Variants in ARMC1 observed in about 807,000 individuals in gnomAD.
The protein encoded by ARMC1 is armadillo repeat-containing protein 1.
In ARMC1, 16 loss-of-function variants were observed where a neutral mutation model predicts 31.4. That is an observed-to-expected ratio of 0.51 (90% CI 0.34 to 0.77). The LOEUF (loss-of-function observed/expected upper bound fraction) is 0.77, where lower values mean the gene tolerates loss of function less well. ARMC1 is among the 30% of genes least tolerant of loss of function. ARMC1 has a pLI of 0.01. For missense variants in ARMC1, 259 were observed against 347.5 expected (o/e 0.75, Z 2.02); for synonymous variants, 114 against 118.9 (o/e 0.96, Z 0.27).
At chr8:65,616,830 T>A (rs1034792746) in intron 3 of ARMC1, among the ~76,000 whole-genome samples, 1 of 147,974 alleles carries the variant, frequency 6.8e-6, no homozygotes, top group Non-Finnish European at 1.5e-5. Context: ...CCGCCCTGTC[T>A]GAGAAGTGAG....
intron 1 of ARMC1, among the ~76,000 whole-genome samples, chr8:65,631,728 T>C (rs1251930474): frequency 6.6e-6 from 1 of 152,192 alleles, no homozygotes; most frequent in Non-Finnish European, 1.5e-5. Flanking sequence ...CTCAAGCTGT[T>C]TGATAAAAAT....
intron 3 of ARMC1, among the ~76,000 whole-genome samples, chr8:65,619,664 T>C (rs968857846): frequency 1.3e-5 from 2 of 151,658 alleles, no homozygotes; most frequent in African/African-American, 2.4e-5. Context: ...CTAGGCAACA[T>C]GTCAAGACCC....
intron 1 of ARMC1, chr8:65,633,121 T>A (rs1265656103): frequency 6.6e-6 from 1 of 152,236 alleles, no homozygotes; most frequent in Admixed American, 6.5e-5. Context: ...AGAAGATACA[T>A]GTGAGACACC....
rs1174255298 is a variant in ARMC1 at position 65,603,485 on chromosome 8, T to C, written c.*909A>G. 6.6e-6 allele frequency: 1 copy of C among 152,216 alleles called. No individual in the cohort carries two copies. Among genetic ancestry groups the C allele is most frequent in the Non-Finnish European group, 1.5e-5 (1 of 68,026 alleles). The allele number at this position is 152,216 out of a possible 1,614,324, so 9.4% of individuals were successfully genotyped here. On this transcript the variant is annotated 3_prime_UTR_variant, in exon 7 of 7. Coordinates refer to ENST00000276569, the MANE Select transcript of ARMC1 (RefSeq NM_018120.6). ...ACTGGCATTATGGTATTATAGGCATTTGATTTTTGTTTTCTTATTTTCAGT... is the reference window on the plus strand; with the variant it reads ...ACTGGCATTATGGTATTATAGGCATCTGATTTTTGTTTTCTTATTTTCAGT...
intron 4 of ARMC1, among the ~76,000 whole-genome samples, chr8:65,606,305 G>A (rs1312555208): frequency 6.7e-6 from 1 of 149,726 alleles, no homozygotes; most frequent in East Asian, 2.0e-4. Flanking sequence ...AGGTTGCAGT[G>A]AGCTGAGATT....
At chr8:65,610,707 A>T (rs1563413014) in intron 4 of ARMC1, among the ~76,000 whole-genome samples, 1 of 152,036 alleles carries the variant, frequency 6.6e-6, no homozygotes, top group South Asian at 2.1e-4. Context: ...AAAAAAAAAA[A>T]TTTAAAAACC....
chr8:65,628,853 C>CA (rs60623254), intron 1 of ARMC1, among the ~76,000 whole-genome samples: 95,802 of 150,418 alleles, frequency 0.64, 30,664 homozygotes, highest in African/African-American at 0.69. Context: ...AACAAGCAAA[C>CA]AAAAAAAATC....
intron 3 of ARMC1, among the ~76,000 whole-genome samples, chr8:65,620,650 C>T (rs1197319893): frequency 3.3e-5 from 5 of 151,662 alleles, no homozygotes; most frequent in Non-Finnish European, 7.4e-5. Context: ...CATACTAGAC[C>T]CGTTTCAGAA....
At chr8:65,615,050 G>A (rs1808220930) in intron 3 of ARMC1, among the ~76,000 whole-genome samples, 1 of 152,092 alleles carries the variant, frequency 6.6e-6, no homozygotes, top group South Asian at 2.1e-4. Context: ...TAGTGAATGA[G>A]TAGGAATACT....
chr8:65,613,442 G>C lies in ARMC1; in HGVS notation c.276-9C>G. 1 of 1,557,308 alleles carries C rather than the reference G, an allele frequency of 6.4e-7. No individual in the cohort carries two copies. Among genetic ancestry groups the C allele is most frequent in the African/African-American group, 1.4e-5 (1 of 72,480 alleles). ...CTCCTGGAGTTGTAGTTCTTGAAAA[G>C]AAACACATATATAATTAGTCTTGTC... On this transcript the variant is annotated splice_polypyrimidine_tract_variant and intron_variant, in intron 3 of 6. Coordinates refer to ENST00000276569, the MANE Select transcript of ARMC1 (RefSeq NM_018120.6).
At chr8:65,612,132 TTC>T (rs1227102365) in intron 4 of ARMC1, among the ~76,000 whole-genome samples, 1 of 152,162 alleles carries the variant, frequency 6.6e-6, no homozygotes, top group Non-Finnish European at 1.5e-5. Flanking sequence ...AAATGCTAAT[TTC>T]TCTTTTATTT....
Position 65,627,365 on chromosome 8 carries a change from G to C in ARMC1, c.34C>G (p.Pro12Ala). ...NSSTSTMSEE[P>A]DALSVVNQLR... is the part of the protein sequence containing the mutation. Reference sequence around the variant, plus strand: ...TGGTTAACTACCGATAGAGCGTCAGGCTCTTCACTCATGGTGGAAGTGGAA... The same window carrying C: ...TGGTTAACTACCGATAGAGCGTCAGCCTCTTCACTCATGGTGGAAGTGGAA... Residue 12 changes from proline to alanine, a missense_variant, in exon 2 of 7, where the codon CCT becomes GCT. Physicochemically the swap from Pro to Ala is conservative, Grantham distance 27 (BLOSUM62 -1). This residue lies in a region of ARMC1 where 163 missense variants were observed against 186.7 expected (regional missense o/e 0.87). Transcript: ENST00000276569. 1.2e-6 allele frequency: 2 copies of C among 1,600,766 alleles called. No individual in the cohort carries two copies. The highest frequency in any genetic ancestry group is 1.7e-6 in the Non-Finnish European group (2 of 1,172,812).
intron 2 of ARMC1, among the ~76,000 whole-genome samples, chr8:65,625,610 CT>C (rs1267462749): frequency 1.3e-5 from 2 of 152,162 alleles, no homozygotes; most frequent in African/African-American, 4.8e-5. Context: ...GATCAACCCC[CT>C]CTTTCTTCTC....
chr8:65,610,348 C>T (rs1372738951), intron 4 of ARMC1, among the ~76,000 whole-genome samples: 4 of 152,016 alleles, frequency 2.6e-5, no homozygotes, highest in East Asian at 2.0e-4. Flanking sequence ...CCACCTGCCT[C>T]GGCCTCCCAA....
At chr8:65,609,176 T>G (rs73236948) in intron 4 of ARMC1, among the ~76,000 whole-genome samples, 49,382 of 145,890 alleles carry the variant, frequency 0.34, 8,945 homozygotes, top group East Asian at 0.46. Flanking sequence ...CTATGTTGAC[T>G]AGGCTGGTCT....
chr8:65,620,441 A>C (rs1808369807), intron 3 of ARMC1, among the ~76,000 whole-genome samples: 1 of 151,018 alleles, frequency 6.6e-6, no homozygotes, highest in Non-Finnish European at 1.5e-5. Context: ...AGCTGGGATT[A>C]CAGGTGCCCG....
At position 65,604,569 on chromosome 8, in the gene ARMC1, T is replaced by C. The variant is rs1324721652; in HGVS notation, c.674A>G (p.Gln225Arg). 1.2e-6 allele frequency: 2 copies of C among 1,613,446 alleles called. No homozygotes were observed. The highest frequency in any genetic ancestry group is 1.7e-6 in the Non-Finnish European group (2 of 1,179,900). The change falls in exon 7 of 7, where the codon CAA (glutamine) becomes CGA (arginine). Residue 225 changes from glutamine to arginine, a missense_variant. By Grantham distance (43) the Gln-to-Arg change is conservative. Around this residue, in one of 3 missense-constraint regions of ARMC1, gnomAD observed 73 missense variants for 100.0 expected, o/e 0.73. Transcript: ENST00000276569. ...CTGTTCAACTTCCACAGGAGTATCT[T>C]GGAATGGGACCAACATCTGATACAG... ...ESGEEMLVPF[Q>R]DTPVEVEQNT... is the part of the protein sequence containing the mutation.
chr8:65,628,391 A>ATTTTTTT (rs763494218), intron 1 of ARMC1, among the ~76,000 whole-genome samples: 81 of 78,814 alleles, frequency 1.0e-3, no homozygotes, highest in Non-Finnish European at 1.2e-3. Context: ...CGCCCGGCTA[A>ATTTTTTT]TTTTTTTTTT....
intron 1 of ARMC1, among the ~76,000 whole-genome samples, chr8:65,632,622 ATAATAG>A (rs1808670357): frequency 6.6e-6 from 1 of 151,984 alleles, no homozygotes; most frequent in Non-Finnish European, 1.5e-5. Flanking sequence ...CAAAATAATA[ATAATAG>A]TAATAATAAA....
Sources: gnomAD v4.1 joint callset for allele counts (sites outside exome capture counted in the v4.1 genomes callset) on GRCh38, gnomAD v4.1.1 for gene constraint, gnomAD v4.1.1 regional missense constraint, MANE v1.5 for transcripts, NCBI Gene and HGNC (gene_info 2026-07-23, HGNC 2026-07-21) for gene names.